The following ATP5F1A variants were observed in gnomAD, a reference collection of about 807,000 sequenced individuals.
ATP5F1A encodes ATP synthase F(1) complex subunit alpha, mitochondrial.
Under a neutral mutation model 57.4 loss-of-function variants are expected in ATP5F1A, and 24 were observed. That is an observed-to-expected ratio of 0.42 (90% CI 0.30 to 0.59). The LOEUF is 0.59. Among genes scored for constraint, ATP5F1A ranks in the 20% least tolerant of loss-of-function variants. The probability of loss-of-function intolerance (pLI) is 0.19; values close to 1 mark genes in which losing one functional copy is unlikely to be tolerated. For missense variants in ATP5F1A, 494 were observed against 707.9 expected (o/e 0.70, Z 3.43); for synonymous variants, 251 against 255.5 (o/e 0.98, Z 0.17).
intron 5 of ATP5F1A, chr18:46,089,291 C>A (rs183924056): frequency 1.9e-4 from 77 of 398,506 alleles, no homozygotes; most frequent in African/African-American, 1.5e-3. Flanking sequence ...GAGGGGCTGG[C>A]CCCCTTCATC....
chr18:46,099,632 T>C (rs984347705), upstream of ATP5F1A, among the ~76,000 whole-genome samples: 12 of 151,972 alleles, frequency 7.9e-5, no homozygotes, highest in Non-Finnish European at 1.8e-4. Context: ...ACGGCGGTGG[T>C]GGGCAGGGCG....
upstream of ATP5F1A, among the ~76,000 whole-genome samples, chr18:46,098,571 A>C (rs773221490): frequency 7.9e-5 from 12 of 152,150 alleles, no homozygotes; most frequent in Non-Finnish European, 1.3e-4. Flanking sequence ...TCTGCTAAGC[A>C]GCAGTTCCCA....
Position 46,086,967 on chromosome 18 carries a change from C to T in ATP5F1A, c.1176+41G>A, listed in dbSNP as rs775715500. 6 of 1,595,036 alleles carry T rather than the reference C, an allele frequency of 3.8e-6. No homozygotes were observed. The South Asian group carries it at 5.6e-5, about 15-fold the overall frequency. On this transcript the variant is annotated intron_variant, in intron 8 of 11. Coordinates refer to ENST00000398752, the MANE Select transcript of ATP5F1A (RefSeq NM_004046.6). Reference sequence around the variant, plus strand: ...TCTCAACCAATGCCTTAGAATTATCCAAATCTTTTTTAACATTTCTTTTAA... The same window carrying T: ...TCTCAACCAATGCCTTAGAATTATCTAAATCTTTTTTAACATTTCTTTTAA...
At chr18:46,098,362 A>AAACCC (rs1555696620), upstream of ATP5F1A, 5 of 1,192,924 alleles carry the variant, frequency 4.2e-6, no homozygotes, top group African/African-American at 1.6e-5. Context: ...CCTCGCGTTC[A>AAACCC]CCACCTCTCC....
chr18:46,086,036 G>C (rs1910067038), intron 10 of ATP5F1A, 77 bp downstream of exon 10: 8 of 1,486,536 alleles, frequency 5.4e-6, no homozygotes, highest in Non-Finnish European at 6.4e-6. Flanking sequence ...GCCGTGATAT[G>C]TGATGCAGCT....
In ATP5F1A at chr18:46,080,339, C is replaced by T. The variant is rs2144154015; in HGVS notation, c.*3943G>A. The stretch of plus-strand genomic sequence containing the variant: ...AAGTGCCTTCTCAAATGTTCACCAC[C>T]CCCAGTGATAAGATAAATGCACACA... On this transcript the variant is annotated 3_prime_UTR_variant, in exon 12 of 12. Transcript: ENST00000398752. 1 of 152,276 alleles carries T rather than the reference C, an allele frequency of 6.6e-6. No homozygotes were observed. The allele number at this position is 152,276 out of a possible 1,614,324, so 9.4% of individuals were successfully genotyped here.
At chr18:46,098,111 G>A in intron 1 of ATP5F1A, 61 bp downstream of exon 1, 1 of 1,542,360 alleles carries the variant, frequency 6.5e-7, no homozygotes, top group East Asian at 2.3e-5. Flanking sequence ...GCCCGAGCCG[G>A]CGCACCACCA....
upstream of ATP5F1A, among the ~76,000 whole-genome samples, chr18:46,099,885 T>C (rs1796580801): frequency 6.6e-6 from 1 of 152,180 alleles, no homozygotes; most frequent in Admixed American, 6.6e-5. Flanking sequence ...TCCTTTTCTC[T>C]AGTATCCTAC....
intron 1 of ATP5F1A, among the ~76,000 whole-genome samples, chr18:46,097,182 A>G (rs1599792141): frequency 6.6e-6 from 1 of 152,150 alleles, no homozygotes; most frequent in African/African-American, 2.4e-5. Flanking sequence ...TCTACCTTCC[A>G]TAGGAGCTAG....
rs1445272197 is a variant in ATP5F1A at position 46,086,379 on chromosome 18, A to G, written c.1284+8T>C. ...AGCCCCCTTACTGCCAAAGTGATGC[A>G]AAATTACCTGCTTCATAGCCCTGGT... On this transcript the variant is annotated splice_region_variant and intron_variant, in intron 9 of 11. Transcript: ENST00000398752. 3 of 1,614,068 alleles carry G rather than the reference A, an allele frequency of 1.9e-6. No homozygotes were observed. The highest frequency in any genetic ancestry group is 1.7e-6 in the Non-Finnish European group (2 of 1,179,988).
chr18:46,087,212 C>CT lies in ATP5F1A; in HGVS notation c.971_972insA (p.Met324IlefsTer12). 2 of 1,614,064 alleles carry CT rather than the reference C, an allele frequency of 1.2e-6. No individual in the cohort carries two copies. Among genetic ancestry groups the CT allele is most frequent in the Non-Finnish European group, 1.7e-6 (2 of 1,179,930 alleles). On this transcript the variant is annotated frameshift_variant, in exon 8 of 12. Coordinates refer to ENST00000398752, the MANE Select transcript of ATP5F1A (RefSeq NM_004046.6). LOFTEE classifies it high-confidence loss of function. The stretch of plus-strand genomic sequence containing the variant: ...CAGGGGGTCGGCGGAGCAACAGAGA[C>CT]ATCTGACGGTAAGCAACAGCCTATG...
At chr18:46,095,480 TA>T (rs1910876991) in intron 1 of ATP5F1A, among the ~76,000 whole-genome samples, 1 of 151,138 alleles carries the variant, frequency 6.6e-6, no homozygotes, top group Non-Finnish European at 1.5e-5. Flanking sequence ...TCCACCAGGT[TA>T]ATTTTTTATA....
intron 3 of ATP5F1A, among the ~76,000 whole-genome samples, chr18:46,091,068 G>A (rs749237320): frequency 1.8e-4 from 27 of 152,228 alleles, no homozygotes; most frequent in South Asian, 8.3e-4. Flanking sequence ...CTCTTTTTCC[G>A]TAGTAGACAT....
upstream of ATP5F1A, among the ~76,000 whole-genome samples, chr18:46,102,388 A>G (rs1168790000): frequency 6.6e-6 from 1 of 151,792 alleles, no homozygotes; most frequent in Non-Finnish European, 1.5e-5. Flanking sequence ...CAGTGTCTCA[A>G]TCTCAGCTCA....
At position 46,081,692 on chromosome 18, in the gene ATP5F1A, A is replaced by AAAAAAAC. The variant is rs1568240735; in HGVS notation, c.*2589_*2590insGTTTTTT. 2 of 144,450 alleles carry AAAAAAAC rather than the reference A, an allele frequency of 1.4e-5. No individual in the cohort carries two copies. The highest frequency in any genetic ancestry group is 3.1e-5 in the Non-Finnish European group (2 of 65,360). The allele number at this position is 144,450 out of a possible 1,614,324, so 8.9% of individuals were successfully genotyped here. A position where few individuals can be genotyped will look rare whatever the true frequency, so the allele number is the denominator to read the frequency against. On this transcript the variant is annotated 3_prime_UTR_variant, in exon 12 of 12. Coordinates refer to ENST00000398752, the MANE Select transcript of ATP5F1A (RefSeq NM_004046.6). ...AAAAAACAAAAAAAAAAAAAAAAAAAAAAAACGAAATGTGCAGAACCTTCT... is the reference window on the plus strand; with the variant it reads ...AAAAAACAAAAAAAAAAAAAAAAAAAAAAAAACAAAAACGAAATGTGCAGAACCTTCT...
chr18:46,084,455 A>G (rs1039110798), intron 11 of ATP5F1A, 49 bp downstream of exon 11: 19 of 1,576,684 alleles, frequency 1.2e-5, no homozygotes, highest in Admixed American at 9.8e-5. Flanking sequence ...TTTTAACTTC[A>G]TATCTTAAAC....
chr18:46,098,159 C>T lies in ATP5F1A; in HGVS notation c.60+13G>A. 1 of 1,599,436 alleles carries T rather than the reference C, an allele frequency of 6.3e-7. No individual in the cohort carries two copies. Among genetic ancestry groups the T allele is most frequent in the Non-Finnish European group, 8.5e-7 (1 of 1,176,440 alleles). On this transcript the variant is annotated intron_variant, in intron 1 of 11. Transcript: ENST00000398752. Reference sequence around the variant, plus strand: ...ACCCGGCCGCCTGCATCATGCCGGCCTTCGGTGCTCACCAGTCCGGCCCGC... The same window carrying T: ...ACCCGGCCGCCTGCATCATGCCGGCTTTCGGTGCTCACCAGTCCGGCCCGC...
intron 1 of ATP5F1A, among the ~76,000 whole-genome samples, chr18:46,096,000 TGCCTCG>T (rs1910920733): frequency 6.6e-6 from 1 of 151,702 alleles, no homozygotes; most frequent in African/African-American, 2.4e-5. Context: ...GCGATTCTCA[TGCCTCG>T]GCCTCCTGAG....
chr18:46,092,699 A>G (rs1451260814), intron 2 of ATP5F1A, among the ~76,000 whole-genome samples: 2 of 151,660 alleles, frequency 1.3e-5, no homozygotes, highest in Admixed American at 6.6e-5. Flanking sequence ...GTGATTAAGG[A>G]AAAAAAAGTC....
Sources: gnomAD v4.1 joint callset for allele counts (sites outside exome capture counted in the v4.1 genomes callset) on GRCh38, gnomAD v4.1.1 for gene constraint, MANE v1.5 for transcripts, NCBI Gene and HGNC (gene_info 2026-07-23, HGNC 2026-07-21) for gene names.